HNF1B: variants seen among roughly 807,000 people sequenced by gnomAD.
HNF1B encodes the protein HNF1 homeobox B, also known as hepatocyte nuclear factor 1-beta.
HNF1B carries 8 observed loss-of-function variants against 61.7 expected under a neutral mutation model. The ratio of observed to expected loss-of-function variants is 0.13; its 90% CI spans 0.08 to 0.23. HNF1B has a LOEUF of 0.23. Among genes scored for constraint, HNF1B ranks in the 10% least tolerant of loss-of-function variants. HNF1B has a pLI of 1.00. For synonymous variants in HNF1B, 314 were observed against 287.7 expected, an observed-to-expected ratio of 1.09 and a Z score of -0.93; for missense variants, 562 against 714.5, an observed-to-expected ratio of 0.79 and a Z score of 2.43.
In HNF1B at chr17:37,744,535, G is replaced by A. The variant is rs1382798273; in HGVS notation, c.344+6C>T. 6.2e-7 allele frequency: 1 copy of A among 1,601,144 alleles called. No individual in the cohort carries two copies. The stretch of plus-strand genomic sequence containing the variant: ...GTGGGTCCCCTCCACCTCGCTCTGC[G>A]CCTACCTGAGCATCCGGTCCACCTC... On this transcript the variant is annotated splice_donor_region_variant and intron_variant, in intron 1 of 8. Transcript: ENST00000617811.
chr17:37,743,880 T>A (rs1005093804), intron 1 of HNF1B, among the ~76,000 whole-genome samples: 10 of 152,198 alleles, frequency 6.6e-5, no homozygotes, highest in Admixed American at 5.2e-4. Context: ...CCACCGCGCT[T>A]GGTTTCTTTG....
intron 8 of HNF1B, among the ~76,000 whole-genome samples, chr17:37,693,362 C>T (rs917697807): frequency 3.9e-5 from 6 of 151,914 alleles, no homozygotes; most frequent in Non-Finnish European, 5.9e-5. Context: ...TGGGATTTTC[C>T]CCATTTATAG....
At chr17:37,696,360 C>T (rs2032384506) in intron 8 of HNF1B, among the ~76,000 whole-genome samples, 1 of 152,126 alleles carries the variant, frequency 6.6e-6, no homozygotes, top group African/African-American at 2.4e-5. Context: ...CTGATTGAGC[C>T]CAGGAGGTTA....
intron 5 of HNF1B, among the ~76,000 whole-genome samples, chr17:37,706,545 G>C (rs2032754812): frequency 6.6e-6 from 1 of 152,004 alleles, no homozygotes; most frequent in Non-Finnish European, 1.5e-5. Context: ...AAACCAAACA[G>C]GTTTGTTTGT....
At chr17:37,690,867 AGACCGGAC>A in intron 8 of HNF1B, among the ~76,000 whole-genome samples, 1 of 152,238 alleles carries the variant, frequency 6.6e-6, no homozygotes, top group East Asian at 1.9e-4. Context: ...TCAGTAGGGA[AGACCGGAC>A]TGTACACAGA....
intron 1 of HNF1B, among the ~76,000 whole-genome samples, chr17:37,741,448 CAAG>C (rs910075780): frequency 5.3e-5 from 8 of 151,968 alleles, no homozygotes; most frequent in African/African-American, 9.7e-5. Context: ...GAGGAAGTAA[CAAG>C]AAGAACAAAA....
intron 7 of HNF1B, among the ~76,000 whole-genome samples, chr17:37,699,602 G>A (rs980693569): frequency 5.9e-5 from 9 of 152,184 alleles, no homozygotes; most frequent in South Asian, 2.1e-4. Context: ...TCCACAGGTC[G>A]CTGGTGACCA....
rs574972118 is a variant in HNF1B at position 37,701,597 on chromosome 17, G to A, written c.1340-420C>T. Among the ~76,000 whole-genome samples, 6 of 152,330 alleles carry A rather than the reference G, an allele frequency of 3.9e-5. No individual in the cohort carries two copies. In the South Asian group the frequency reaches 6.2e-4, roughly 16 times the overall value. On this transcript the variant is annotated intron_variant, in intron 6 of 8. Coordinates refer to ENST00000617811, the MANE Select transcript of HNF1B (RefSeq NM_000458.4). ...TGAGGCACAGGTTATTGCCCAGATC[G>A]GTCTGTCCAGTAGAGGGCAGGAGTG...
At chr17:37,705,932 A>C (rs1316075166) in intron 5 of HNF1B, among the ~76,000 whole-genome samples, 1 of 152,182 alleles carries the variant, frequency 6.6e-6, no homozygotes, top group South Asian at 2.1e-4. Context: ...TCCATGATAC[A>C]TTAGTTTACT....
chr17:37,712,286 A>G (rs1171720202), intron 4 of HNF1B, among the ~76,000 whole-genome samples: 1 of 152,104 alleles, frequency 6.6e-6, no homozygotes, highest in Non-Finnish European at 1.5e-5. Context: ...AAGGCACTAC[A>G]TTTTTTGGGA....
Position 37,687,256 on chromosome 17 carries a change from G to A in HNF1B, c.*116C>T, listed in dbSNP as rs745586833. On this transcript the variant is annotated 3_prime_UTR_variant, in exon 9 of 9. Coordinates refer to ENST00000617811, the MANE Select transcript of HNF1B (RefSeq NM_000458.4). ...GCAGGACGTCCGTCAGGTAAGCAGGGACCTCTCGCAGGTGCTGGTCAGGTC... is the reference window on the plus strand; with the variant it reads ...GCAGGACGTCCGTCAGGTAAGCAGGAACCTCTCGCAGGTGCTGGTCAGGTC... 4.0e-5 allele frequency: 62 copies of A among 1,553,116 alleles called. No homozygotes were observed. Among genetic ancestry groups the A allele is most frequent in the Non-Finnish European group, 5.5e-5 (62 of 1,127,468 alleles).
intron 4 of HNF1B, among the ~76,000 whole-genome samples, chr17:37,725,846 A>G (rs1388139832): frequency 1.3e-5 from 2 of 152,220 alleles, no homozygotes; most frequent in East Asian, 1.9e-4. Flanking sequence ...CTGTCTCAGA[A>G]GCCCCATTAA....
At chr17:37,698,952 A>G in intron 8 of HNF1B, 124 bp downstream of exon 8, 1 of 809,088 alleles carries the variant, frequency 1.2e-6, no homozygotes, top group East Asian at 2.5e-5. Context: ...CCCTTTGCAA[A>G]CAACAGGGAG....
intron 4 of HNF1B, among the ~76,000 whole-genome samples, chr17:37,724,244 G>C (rs749466285): frequency 3.3e-5 from 5 of 152,010 alleles, no homozygotes; most frequent in Non-Finnish European, 7.4e-5. Context: ...CCCCACCCCA[G>C]GGAACTGGCA....
chr17:37,733,050 T>C (rs2147550976), intron 3 of HNF1B, among the ~76,000 whole-genome samples: 1 of 152,244 alleles, frequency 6.6e-6, no homozygotes, highest in South Asian at 2.1e-4. Context: ...ATCTGACCAA[T>C]TCTTACTCTC....
chr17:37,744,982 C>T lies in HNF1B; in HGVS notation c.-98G>A, dbSNP rs2034133173. ...CAAGCAAACCCCAAATCCAGGAACC[C>T]CTCCACCCTTCAGCCTCCAGACACC... On this transcript the variant is annotated 5_prime_UTR_variant, in exon 1 of 9. Coordinates refer to ENST00000617811, the MANE Select transcript of HNF1B (RefSeq NM_000458.4). 9.5e-7 allele frequency: 1 copy of T among 1,057,130 alleles called. No individual in the cohort carries two copies. Among genetic ancestry groups the T allele is most frequent in the African/African-American group, 1.6e-5 (1 of 63,394 alleles). The allele number at this position is 1,057,130 out of a possible 1,614,324, so 65.5% of individuals were successfully genotyped here.
intron 8 of HNF1B, among the ~76,000 whole-genome samples, chr17:37,692,797 A>T (rs1277975236): frequency 6.6e-6 from 1 of 152,174 alleles, no homozygotes; most frequent in Non-Finnish European, 1.5e-5. Context: ...GCCCAGGCCC[A>T]AGAGGTAGGA....
intron 5 of HNF1B, among the ~76,000 whole-genome samples, chr17:37,705,774 G>T (rs1250475084): frequency 6.6e-6 from 1 of 151,884 alleles, no homozygotes; most frequent in African/African-American, 2.4e-5. Context: ...CTATTATATT[G>T]CTTAGAACTT....
At chr17:37,701,566 C>T (rs2032572780) in intron 6 of HNF1B, among the ~76,000 whole-genome samples, 1 of 152,226 alleles carries the variant, frequency 6.6e-6, no homozygotes, top group Admixed American at 6.5e-5. Context: ...TTAAAGATGT[C>T]CACACTGAGG....
Sources: gnomAD v4.1 joint callset for allele counts (sites outside exome capture counted in the v4.1 genomes callset) on GRCh38, gnomAD v4.1.1 for gene constraint, MANE v1.5 for transcripts, NCBI Gene and HGNC (gene_info 2026-07-23, HGNC 2026-07-21) for gene names.